SATB2: variants seen among roughly 807,000 people sequenced by gnomAD.
The protein encoded by SATB2 is DNA-binding protein SATB2.
SATB2 carries 1 observed loss-of-function variant against 73.4 expected under a neutral mutation model. That is an observed-to-expected ratio of 0.01 (90% CI 0.00 to 0.06). The LOEUF is 0.06. Ranked by LOEUF, SATB2 falls within the 10% of genes least tolerant of loss-of-function variation. The pLI, the probability that SATB2 is intolerant of heterozygous loss-of-function variation, is 1.00. For synonymous variants in SATB2, 397 were observed against 367.0 expected, an observed-to-expected ratio of 1.08 and a Z score of -0.93; for missense variants, 459 against 945.8, an observed-to-expected ratio of 0.49 and a Z score of 6.75.
chr2:199,280,676 CTTA>C lies in SATB2; in HGVS notation c.1741-8007_1741-8005del, dbSNP rs1692461331. Reference sequence around the variant, plus strand: ...CCCAGTCTCCCGTAGCACTCCCAGGCTTATTAGGACGAGGAAATTCCCGCCTAA... The same window carrying C: ...CCCAGTCTCCCGTAGCACTCCCAGGCTTAGGACGAGGAAATTCCCGCCTAA... On this transcript the variant is annotated intron_variant, in intron 10 of 10. Transcript: ENST00000417098. Among the ~76,000 whole-genome samples the C allele has an allele frequency of 7.2e-5, 11 of 152,240 alleles. No homozygotes were observed. The South Asian group carries it at 2.3e-3, about 32-fold the overall frequency.
intron 9 of SATB2, among the ~76,000 whole-genome samples, chr2:199,313,749 T>G (rs905982029): frequency 3.3e-5 from 5 of 152,236 alleles, no homozygotes; most frequent in Admixed American, 3.3e-4. Flanking sequence ...AAAAAATTCC[T>G]AGTTTATCTT....
At chr2:199,406,276 T>C (rs1332656878) in intron 3 of SATB2, among the ~76,000 whole-genome samples, 4 of 152,226 alleles carry the variant, frequency 2.6e-5, no homozygotes, top group Middle Eastern at 3.2e-3. Context: ...TCTTTATAAT[T>C]AACACACCTA....
intron 6 of SATB2, among the ~76,000 whole-genome samples, chr2:199,357,407 A>C (rs1034498855): frequency 2.0e-5 from 3 of 152,196 alleles, no homozygotes; most frequent in Admixed American, 6.6e-5. Flanking sequence ...ATTTACATTA[A>C]AATTCATATA....
chr2:199,340,686 G>A (rs1318567649), intron 7 of SATB2, among the ~76,000 whole-genome samples: 3 of 152,154 alleles, frequency 2.0e-5, no homozygotes, highest in East Asian at 1.9e-4. Flanking sequence ...CCTTGCATAA[G>A]GATGTTTCCT....
chr2:199,344,939 A>G (rs1160804483), intron 7 of SATB2, among the ~76,000 whole-genome samples: 2 of 152,074 alleles, frequency 1.3e-5, no homozygotes, highest in African/African-American at 2.4e-5. Context: ...TCTCCCAACC[A>G]ACTGCCAAAT....
intron 3 of SATB2, among the ~76,000 whole-genome samples, chr2:199,413,212 T>A (rs757809455): frequency 6.6e-6 from 1 of 152,206 alleles, no homozygotes; most frequent in Non-Finnish European, 1.5e-5. Flanking sequence ...GAAGCACATA[T>A]GTAATCTTTT....
intron 10 of SATB2, among the ~76,000 whole-genome samples, chr2:199,295,130 T>C (rs1056928053): frequency 6.6e-6 from 1 of 152,132 alleles, no homozygotes; most frequent in Non-Finnish European, 1.5e-5. Flanking sequence ...ATAAACATGT[T>C]TGAACATGAA....
At chr2:199,388,862 T>C (rs1232471092) in intron 3 of SATB2, among the ~76,000 whole-genome samples, 2 of 152,124 alleles carry the variant, frequency 1.3e-5, no homozygotes, top group African/African-American at 4.8e-5. Context: ...CTTGTAAAAA[T>C]AGGAGAACTC....
chr2:199,464,765 G>A lies in SATB2; in HGVS notation c.-141+71C>T, dbSNP rs916577438. On this transcript the variant is annotated intron_variant, in intron 1 of 11. Coordinates refer to the SATB2 transcript ENST00000260926. This position sits in a 1 kb window ranked among gnomAD's most constrained non-coding sequence, Gnocchi z 6.6. ...GTTCCTTTCCAAAGTGTGATGCCCGGTGTCCTACCCTAGGCCACGCGGAGC... is the reference window on the plus strand; with the variant it reads ...GTTCCTTTCCAAAGTGTGATGCCCGATGTCCTACCCTAGGCCACGCGGAGC... 1 of 152,262 alleles carries A rather than the reference G, an allele frequency of 6.6e-6. No homozygotes were observed. Among genetic ancestry groups the A allele is most frequent in the African/African-American group, 2.4e-5 (1 of 41,454 alleles). The allele number at this position is 152,262 out of a possible 1,614,324, so 9.4% of individuals were successfully genotyped here.
rs1046840493 is a variant in SATB2 at position 199,271,554 on chromosome 2, T to C, written c.*657A>G. 12 of 107,180 alleles carry C rather than the reference T, an allele frequency of 1.1e-4. No homozygotes were observed. The highest frequency in any genetic ancestry group is 1.6e-4 in the African/African-American group (6 of 37,674). The allele number at this position is 107,180 out of a possible 1,614,324, so 6.6% of individuals were successfully genotyped here. A position where few individuals can be genotyped will look rare whatever the true frequency, so the allele number is the denominator to read the frequency against. On this transcript the variant is annotated 3_prime_UTR_variant, in exon 11 of 11. Transcript: ENST00000417098. Reference sequence around the variant, plus strand: ...CATTAAGCTGCCAGATAGGAAGCCATAGAATTAAAAAAAAAAAATCAGGGA... The same window carrying C: ...CATTAAGCTGCCAGATAGGAAGCCACAGAATTAAAAAAAAAAAATCAGGGA...
intron 3 of SATB2, among the ~76,000 whole-genome samples, chr2:199,432,173 C>T (rs909907334): frequency 2.6e-5 from 4 of 152,212 alleles, no homozygotes; most frequent in Non-Finnish European, 5.9e-5. Flanking sequence ...TTCACAATAA[C>T]TAGTAGGGTA....
At chr2:199,454,000 A>G (rs1692202963) in intron 2 of SATB2, among the ~76,000 whole-genome samples, 1 of 152,116 alleles carries the variant, frequency 6.6e-6, no homozygotes. Flanking sequence ...AGCTGGTTGA[A>G]ACAAATCTAT....
In SATB2 at chr2:199,348,468, G is replaced by A. The variant is rs1297146499; in HGVS notation, c.1173+233C>T. 7.4e-6 allele frequency: 4 copies of A among 539,640 alleles called. No homozygotes were observed. The East Asian group carries it at 1.3e-4, about 18-fold the overall frequency. 33.4% of individuals were successfully genotyped at this position (539,640 alleles called of 1,614,324 possible). ...TTAGTAACATTTGGGGTCCTGAGTTGCATGTTGGGTTCAAAGATGTCCATT... is the reference window on the plus strand; with the variant it reads ...TTAGTAACATTTGGGGTCCTGAGTTACATGTTGGGTTCAAAGATGTCCATT... On this transcript the variant is annotated intron_variant, in intron 7 of 10. Transcript: ENST00000417098.
chr2:199,448,896 C>G (rs1454770227), intron 2 of SATB2, among the ~76,000 whole-genome samples: 1 of 152,144 alleles, frequency 6.6e-6, no homozygotes, highest in African/African-American at 2.4e-5. Flanking sequence ...AGAACTGAAT[C>G]TGCCCACACA....
intron 10 of SATB2, among the ~76,000 whole-genome samples, chr2:199,296,634 G>A (rs1687107843): frequency 1.3e-5 from 2 of 152,160 alleles, no homozygotes; most frequent in Admixed American, 1.3e-4. Flanking sequence ...AGGAGGTAAA[G>A]GCTGCTATGA....
chr2:199,426,371 C>A (rs1691327538), intron 3 of SATB2, among the ~76,000 whole-genome samples: 1 of 152,008 alleles, frequency 6.6e-6, no homozygotes. Context: ...TCACTATAAC[C>A]TCCTCCTCCC....
chr2:199,300,752 T>G (rs1687265022), intron 10 of SATB2, among the ~76,000 whole-genome samples: 1 of 152,012 alleles, frequency 6.6e-6, no homozygotes, highest in African/African-American at 2.4e-5. Flanking sequence ...ATATAAAAAT[T>G]AGACTATTAT....
chr2:199,458,737 G>A (rs1350277768), upstream of SATB2: 1 of 425,634 alleles, frequency 2.3e-6, no homozygotes, highest in Non-Finnish European at 4.7e-6. Flanking sequence ...GGAGATAGGA[G>A]GGCGATCGCC....
intron 3 of SATB2, among the ~76,000 whole-genome samples, chr2:199,392,721 T>C (rs1367514600): frequency 6.6e-6 from 1 of 152,110 alleles, no homozygotes; most frequent in Non-Finnish European, 1.5e-5. Context: ...TATTTTCTCT[T>C]CTATAAAATG....
Sources: gnomAD v4.1 joint callset for allele counts (sites outside exome capture counted in the v4.1 genomes callset) on GRCh38, gnomAD v4.1.1 for gene constraint, Gnocchi (gnomAD v3.1) non-coding constraint, MANE v1.5 for transcripts, NCBI Gene and HGNC (gene_info 2026-07-23, HGNC 2026-07-21) for gene names.